Variants in PALS1 observed in about 807,000 individuals in gnomAD.
PALS1 encodes protein PALS1.
In PALS1, 31 loss-of-function variants were observed where a neutral mutation model predicts 78.9. The observed-to-expected ratio is 0.39, with a 90% CI of 0.30 to 0.53. The LOEUF is 0.53. PALS1 is among the 20% of genes least tolerant of loss of function. PALS1 has a pLI of 0.67. For synonymous variants in PALS1, 276 were observed against 270.9 expected (o/e 1.02, Z -0.18); for missense variants, 704 against 826.5 (o/e 0.85, Z 1.82).
chr14:67,252,125 A>T (rs1333572607), intron 1 of PALS1, among the ~76,000 whole-genome samples: 1 of 152,166 alleles, frequency 6.6e-6, no homozygotes, highest in Non-Finnish European at 1.5e-5. Flanking sequence ...ATAATAAACC[A>T]GTAATAGTAA....
chr14:67,250,312 C>T (rs1008630268), intron 1 of PALS1, among the ~76,000 whole-genome samples: 7 of 152,058 alleles, frequency 4.6e-5, no homozygotes, highest in African/African-American at 7.2e-5. Flanking sequence ...TGTAAATTAT[C>T]GAGAGCTGTG....
chr14:67,320,061 T>G (rs893267598), intron 11 of PALS1, among the ~76,000 whole-genome samples, 169 bp from the exon 12 acceptor site: 1 of 152,234 alleles, frequency 6.6e-6, no homozygotes, highest in Admixed American at 6.5e-5. Context: ...TAAAAATTAA[T>G]AGAAGGAGTA....
At chr14:67,323,868 G>T in intron 14 of PALS1, 56 bp downstream of exon 14, 2 of 885,226 alleles carry the variant, frequency 2.3e-6, no homozygotes, top group Admixed American at 2.6e-5. Context: ...AAACAGTCCT[G>T]GTCTAATTTG....
At chr14:67,256,432 C>A (rs1017057104) in intron 1 of PALS1, among the ~76,000 whole-genome samples, 3 of 151,998 alleles carry the variant, frequency 2.0e-5, no homozygotes, top group Admixed American at 6.6e-5. Flanking sequence ...GAAAAGAAAC[C>A]ATGAAATTAA....
At position 67,320,239 on chromosome 14, in the gene PALS1, A is replaced by G; in HGVS notation, c.1379A>G (p.Asn460Ser). ...CTTTTTTTTCCCAAAGATTATGACA[A>G]CGAGGAGATCTTAACCTATGAGGAA... is the stretch of plus-strand genomic sequence containing the variant. ...YNANKNDDYD[N>S]EEILTYEEMS... The change falls in exon 12 of 15, where the codon AAC becomes AGC. Residue 460 changes from asparagine (N) to serine (S), a missense_variant. By Grantham distance (46) the Asn-to-Ser change is conservative. Coordinates refer to ENST00000261681, the MANE Select transcript of PALS1 (RefSeq NM_022474.4). 1 of 1,608,322 alleles carries G rather than the reference A, an allele frequency of 6.2e-7. No homozygotes were observed. The highest frequency in any genetic ancestry group is 8.5e-7 in the Non-Finnish European group (1 of 1,178,414).
rs1423126567 is a variant in PALS1, at chr14:67,334,353, T to C, written c.*1397T>C. 1.3e-5 allele frequency: 2 copies of C among 152,756 alleles called. No homozygotes were observed. Among genetic ancestry groups the C allele is most frequent in the East Asian group, 3.9e-4 (2 of 5,190 alleles). 9.5% of individuals were successfully genotyped at this position (152,756 alleles called of 1,614,324 possible). A position where few individuals can be genotyped will look rare whatever the true frequency, so the allele number is the denominator to read the frequency against. On this transcript the variant is annotated 3_prime_UTR_variant, in exon 15 of 15. Transcript: ENST00000261681. ...CAGTCTTTTCAAGCCTTTAGGATAGTGTGATGTGTAACAAACAACCTCAAA... is the reference window on the plus strand; with the variant it reads ...CAGTCTTTTCAAGCCTTTAGGATAGCGTGATGTGTAACAAACAACCTCAAA...
chr14:67,271,767 A>G lies in PALS1; in HGVS notation c.-154+1984A>G, dbSNP rs555439509. 3 of 152,324 alleles carry G rather than the reference A, an allele frequency of 2.0e-5. No homozygotes were observed. The South Asian group carries it at 6.2e-4, about 32-fold the overall frequency. The allele number at this position is 152,324 out of a possible 1,614,324, so 9.4% of individuals were successfully genotyped here. A position where few individuals can be genotyped will look rare whatever the true frequency, so the allele number is the denominator to read the frequency against. On this transcript the variant is annotated intron_variant, in intron 2 of 14. Coordinates refer to ENST00000261681, the MANE Select transcript of PALS1 (RefSeq NM_022474.4). ...ACATATTTCTAGATTCTTGTGGGAAATTCTGATAGATAGAATAATGGTCAG... is the reference window on the plus strand; with the variant it reads ...ACATATTTCTAGATTCTTGTGGGAAGTTCTGATAGATAGAATAATGGTCAG...
At chr14:67,260,024 G>A (rs1437796573) in intron 1 of PALS1, among the ~76,000 whole-genome samples, 1 of 152,084 alleles carries the variant, frequency 6.6e-6, no homozygotes, top group African/African-American at 2.4e-5. Flanking sequence ...CCAGGAGAGA[G>A]ATTTAAACAG....
chr14:67,312,863 G>A (rs12588355), intron 9 of PALS1, among the ~76,000 whole-genome samples, 153 bp downstream of exon 9: 23,563 of 152,046 alleles, frequency 0.15, 3,448 homozygotes, highest in East Asian at 0.42. Context: ...TACCTGCAGC[G>A]TAAGTATATT....
chr14:67,262,639 A>G (rs979572538), intron 1 of PALS1, among the ~76,000 whole-genome samples: 1 of 152,150 alleles, frequency 6.6e-6, no homozygotes, highest in African/African-American at 2.4e-5. Flanking sequence ...TGGTTACAGT[A>G]TAGAGTAGAT....
chr14:67,270,888 A>G (rs890858427), intron 2 of PALS1: 1 of 152,202 alleles, frequency 6.6e-6, no homozygotes, highest in African/African-American at 2.4e-5. Context: ...TTCTTGTAGA[A>G]TTAGGGACTT....
At chr14:67,300,413 T>C (rs1450262095) in intron 4 of PALS1, among the ~76,000 whole-genome samples, 1 of 150,168 alleles carries the variant, frequency 6.7e-6, no homozygotes, top group Non-Finnish European at 1.5e-5. Context: ...CTGCAACCTC[T>C]ACCTCCTGGG....
chr14:67,270,622 A>G (rs1410170287), intron 2 of PALS1: 2 of 150,454 alleles, frequency 1.3e-5, no homozygotes, highest in African/African-American at 4.9e-5. Flanking sequence ...GGAGAGTGCA[A>G]TTGCTTTGGA....
At chr14:67,272,738 A>G (rs538718200) in intron 2 of PALS1, among the ~76,000 whole-genome samples, 74 of 152,316 alleles carry the variant, frequency 4.9e-4, no homozygotes, top group African/African-American at 1.4e-3. Flanking sequence ...GGCTCACTAC[A>G]ACCTCTGCCT....
chr14:67,282,515 A>G (rs1428242209), intron 3 of PALS1, among the ~76,000 whole-genome samples: 2 of 152,144 alleles, frequency 1.3e-5, no homozygotes, highest in Non-Finnish European at 2.9e-5. Context: ...TTTAATGAAA[A>G]GCATTTGTAA....
intron 13 of PALS1, among the ~76,000 whole-genome samples, chr14:67,322,843 C>T (rs1370542322): frequency 6.6e-6 from 1 of 152,160 alleles, no homozygotes; most frequent in South Asian, 2.1e-4. Context: ...TTTGATAGAG[C>T]GTGTCAGTTT....
In PALS1 at chr14:67,323,232, C is replaced by CGT. The variant is rs35018637; in HGVS notation, c.1741-441_1741-440dup. Reference sequence around the variant, plus strand: ...ATATACATATATACACATATATACACGTGTGTGTGTGTGTGTGTGTGTGTG... The same window carrying CGT: ...ATATACATATATACACATATATACACGTGTGTGTGTGTGTGTGTGTGTGTGTG... On this transcript the variant is annotated intron_variant, in intron 13 of 14. Transcript: ENST00000261681. 1.1e-3 allele frequency among the ~76,000 whole-genome samples: 162 copies of CGT among 143,616 alleles called. No homozygotes were observed. The Middle Eastern group carries it at 0.014, about 13-fold the overall frequency. 94.2% of individuals were successfully genotyped at this position (143,616 alleles called of 152,430 possible).
chr14:67,267,904 T>C (rs2084353992), intron 1 of PALS1, among the ~76,000 whole-genome samples: 3 of 152,224 alleles, frequency 2.0e-5, no homozygotes, highest in African/African-American at 7.2e-5. Flanking sequence ...TAGTTTGTCC[T>C]TTCTTATTGC....
At chr14:67,279,990 A>G (rs1258583589) in intron 3 of PALS1, 1 of 154,160 alleles carries the variant, frequency 6.5e-6, no homozygotes. Flanking sequence ...TATTGTTCAT[A>G]TGGTATCATA....
Sources: gnomAD v4.1 joint callset for allele counts (sites outside exome capture counted in the v4.1 genomes callset) on GRCh38, gnomAD v4.1.1 for gene constraint, MANE v1.5 for transcripts, NCBI Gene and HGNC (gene_info 2026-07-23, HGNC 2026-07-21) for gene names.